The following SLCO5A1 variants were observed in gnomAD, a reference collection of about 807,000 sequenced individuals.
SLCO5A1 encodes organic anion transporter polypeptide-related protein 4.
Under a neutral mutation model 65.1 loss-of-function variants are expected in SLCO5A1, and 39 were observed. The ratio of observed to expected loss-of-function variants is 0.60; its 90% confidence interval spans 0.46 to 0.78. SLCO5A1 has a LOEUF of 0.78. Among genes scored for constraint, SLCO5A1 ranks in the 30% least tolerant of loss-of-function variants. The probability of loss-of-function intolerance (pLI) is 0.00; values close to 1 mark genes in which losing one functional copy is unlikely to be tolerated. For synonymous variants in SLCO5A1, 438 were observed against 415.7 expected, an observed-to-expected ratio of 1.05 and a Z score of -0.65; for missense variants, 1,029 against 1,069.4, an observed-to-expected ratio of 0.96 and a Z score of 0.53.
intron 2 of SLCO5A1, among the ~76,000 whole-genome samples, chr8:69,805,798 T>C (rs943421970): frequency 6.6e-6 from 1 of 152,172 alleles, no homozygotes; most frequent in Non-Finnish European, 1.5e-5. Flanking sequence ...ACAAGTCCCA[T>C]AGCAGCGTTG....
chr8:69,674,227 C>T (rs1441424919), intron 9 of SLCO5A1, among the ~76,000 whole-genome samples: 1 of 152,186 alleles, frequency 6.6e-6, no homozygotes, highest in African/African-American at 2.4e-5. Flanking sequence ...CCATAAGCTT[C>T]TTCAAGGCAG....
intron 6 of SLCO5A1, among the ~76,000 whole-genome samples, chr8:69,683,806 T>TC (rs1473398650): frequency 6.6e-6 from 1 of 151,940 alleles, no homozygotes; most frequent in Admixed American, 6.6e-5. Flanking sequence ...CGTGATCCAC[T>TC]CCCCCTTGGC....
At chr8:69,719,433 A>C (rs371158055) in intron 5 of SLCO5A1, among the ~76,000 whole-genome samples, 2 of 152,208 alleles carry the variant, frequency 1.3e-5, no homozygotes, top group East Asian at 3.8e-4. Context: ...TTAATTAATC[A>C]ACCTTATAGA....
intron 2 of SLCO5A1, among the ~76,000 whole-genome samples, chr8:69,772,646 A>AAGGAAAGGAAAGGAAAGGAG (rs1818380751): frequency 6.6e-6 from 1 of 150,536 alleles, no homozygotes; most frequent in East Asian, 2.0e-4. Flanking sequence ...AAGGAAAGGA[A>AAGGAAAGGAAAGGAAAGGAG]AGGAAAGGAA....
At chr8:69,761,197 T>C (rs1817756698) in intron 3 of SLCO5A1, among the ~76,000 whole-genome samples, 1 of 152,126 alleles carries the variant, frequency 6.6e-6, no homozygotes, top group Non-Finnish European at 1.5e-5. Context: ...CTGTATAAGC[T>C]CTCTGCTATA....
chr8:69,823,550 G>T (rs1024124375), intron 2 of SLCO5A1, among the ~76,000 whole-genome samples: 1 of 152,154 alleles, frequency 6.6e-6, no homozygotes, highest in Non-Finnish European at 1.5e-5. Flanking sequence ...TAATGGTAAA[G>T]GGATCAATTC....
At chr8:69,794,992 A>G (rs143833892) in intron 2 of SLCO5A1, among the ~76,000 whole-genome samples, 71 of 152,326 alleles carry the variant, frequency 4.7e-4, no homozygotes, top group African/African-American at 1.7e-3. Context: ...CTCAATCACT[A>G]TCATGAGAAC....
chr8:69,800,370 C>T (rs1418229196), intron 2 of SLCO5A1, among the ~76,000 whole-genome samples: 2 of 150,440 alleles, frequency 1.3e-5, no homozygotes, highest in East Asian at 3.9e-4. Flanking sequence ...GGAGAAGAGG[C>T]CTGCCCAAAC....
At chr8:69,698,298 A>C (rs1274837637) in intron 6 of SLCO5A1, among the ~76,000 whole-genome samples, 1 of 152,208 alleles carries the variant, frequency 6.6e-6, no homozygotes, top group Admixed American at 6.5e-5. Flanking sequence ...GCTATTGTGA[A>C]TAATACTGCA....
chr8:69,831,310 G>T (rs1336558405), intron 2 of SLCO5A1, among the ~76,000 whole-genome samples: 1 of 151,406 alleles, frequency 6.6e-6, no homozygotes, highest in Non-Finnish European at 1.5e-5. Flanking sequence ...AGGCAATAAA[G>T]CATGATGTAT....
intron 2 of SLCO5A1, among the ~76,000 whole-genome samples, chr8:69,768,264 T>C (rs1240480956): frequency 2.0e-5 from 3 of 152,172 alleles, no homozygotes; most frequent in Non-Finnish European, 4.4e-5. Flanking sequence ...TATGAATTTT[T>C]TATAGATTGA....
Position 69,831,826 on chromosome 8 carries a change from G to T in SLCO5A1, c.848C>A (p.Thr283Asn). 6.2e-7 allele frequency: 1 copy of T among 1,614,142 alleles called. No individual in the cohort carries two copies. The highest frequency in any genetic ancestry group is 8.5e-7 in the Non-Finnish European group (1 of 1,180,028). Reference protein sequence around the residue: ...LIGMGSTPIYTLGPTYLDDNV... With the variant: ...LIGMGSTPIYNLGPTYLDDNV... Reference sequence around the variant, plus strand: ...GTCATCTAAGTAGGTTGGTCCCAGGGTATAAATAGGTGTGGAGCCCATTCC... The same window carrying T: ...GTCATCTAAGTAGGTTGGTCCCAGGTTATAAATAGGTGTGGAGCCCATTCC... Residue 283 changes from threonine to asparagine, a missense_variant, in exon 2 of 10, where the codon ACC becomes AAC. By Grantham distance (65) the Thr-to-Asn change is moderately conservative. Around this residue, in one of 3 missense-constraint regions of SLCO5A1, gnomAD observed 647 missense variants for 647.5 expected, o/e 1.00. Transcript: ENST00000260126.
chr8:69,719,462 A>C (rs1815718015), intron 5 of SLCO5A1, among the ~76,000 whole-genome samples: 1 of 152,260 alleles, frequency 6.6e-6, no homozygotes, highest in African/African-American at 2.4e-5. Context: ...ATTGTGAAGT[A>C]GGAAGTTAAG....
chr8:69,781,887 C>A (rs1156690249), intron 2 of SLCO5A1, among the ~76,000 whole-genome samples: 1 of 152,110 alleles, frequency 6.6e-6, no homozygotes, highest in East Asian at 1.9e-4. Context: ...GGACTCCCGA[C>A]CTCAGGCGAT....
intron 1 of SLCO5A1, 109 bp downstream of exon 1, chr8:69,834,735 TACACACACAC>T (rs57972006): frequency 0.14 from 18,828 of 139,140 alleles, 1,333 homozygotes; most frequent in Middle Eastern, 0.2. Context: ...ACGCACATCC[TACACACACAC>T]ACACACACAC....
intron 8 of SLCO5A1, 128 bp downstream of exon 8, chr8:69,679,250 G>A (rs914987724): frequency 1.6e-6 from 2 of 1,282,562 alleles, no homozygotes; most frequent in African/African-American, 3.0e-5. Context: ...GCAAATATCT[G>A]AGCGCCCTCC....
At chr8:69,674,671 A>G (rs1246416048) in intron 9 of SLCO5A1, among the ~76,000 whole-genome samples, 1 of 151,878 alleles carries the variant, frequency 6.6e-6, no homozygotes, top group Non-Finnish European at 1.5e-5. Context: ...CCTCCAAATC[A>G]TATCAAATGA....
At position 69,705,318 on chromosome 8, in the gene SLCO5A1, G is replaced by A; in HGVS notation, c.1424-89C>T. ...TCTGTCTCTTGCTCAGTAGTACTGA[G>A]GTAAAAAATCAAAAGTTACTATAAT... On this transcript the variant is annotated intron_variant, in intron 5 of 9. Coordinates refer to ENST00000260126, the MANE Select transcript of SLCO5A1 (RefSeq NM_030958.3). The A allele has an allele frequency of 2.3e-6, 3 of 1,291,562 alleles. 1 individual carries two copies. The South Asian group carries it at 4.1e-5, about 18-fold the overall frequency. 80.0% of individuals were successfully genotyped at this position (1,291,562 alleles called of 1,614,324 possible). A position where few individuals can be genotyped will look rare whatever the true frequency, so the allele number is the denominator to read the frequency against.
Position 69,789,915 on chromosome 8 carries a change from G to T in SLCO5A1, c.908-28040C>A, listed in dbSNP as rs1244261576. Among the ~76,000 whole-genome samples, 4 of 152,006 alleles carry T rather than the reference G, an allele frequency of 2.6e-5. No individual in the cohort carries two copies. In the South Asian group the frequency reaches 6.2e-4, roughly 24 times the overall value. On this transcript the variant is annotated intron_variant, in intron 2 of 9. Transcript: ENST00000260126. ...ATAACTAAAAGAGGGTAATTGGGCC[G>T]GGCACGGTGGCTCAAGCCTGTAATC...
Sources: gnomAD v4.1 joint callset for allele counts (sites outside exome capture counted in the v4.1 genomes callset) on GRCh38, gnomAD v4.1.1 for gene constraint, gnomAD v4.1.1 regional missense constraint, MANE v1.5 for transcripts, NCBI Gene and HGNC (gene_info 2026-07-23, HGNC 2026-07-21) for gene names.